The following TAFA4 variants were observed in gnomAD, a reference collection of about 807,000 sequenced individuals.
The protein encoded by TAFA4 is TAFA chemokine like family member 4.
Under a neutral mutation model 21.1 loss-of-function variants are expected in TAFA4, and 20 were observed. The ratio of observed to expected loss-of-function variants is 0.95; its 90% CI spans 0.67 to 1.38. The LOEUF is 1.38. TAFA4 is among the 40% of genes most tolerant of loss of function. TAFA4 has a pLI of 0.00. For synonymous variants in TAFA4, 71 were observed against 67.4 expected (o/e 1.05, Z -0.26); for missense variants, 211 against 180.9 (o/e 1.17, Z -0.95).
chr3:68,925,960 A>G (rs534761108), intron 1 of TAFA4, among the ~76,000 whole-genome samples: 84 of 152,348 alleles, frequency 5.5e-4, no homozygotes, highest in Non-Finnish European at 9.0e-4. Flanking sequence ...AGCCGGGCAC[A>G]GTGGCTCATG....
At chr3:68,848,687 T>C (rs1309014979) in intron 3 of TAFA4, among the ~76,000 whole-genome samples, 1 of 152,188 alleles carries the variant, frequency 6.6e-6, no homozygotes, top group Non-Finnish European at 1.5e-5. Context: ...CCAGTACCAG[T>C]GGCTCAGACA....
intron 3 of TAFA4, among the ~76,000 whole-genome samples, chr3:68,853,259 T>A (rs1473760998): frequency 6.6e-6 from 1 of 152,174 alleles, no homozygotes; most frequent in African/African-American, 2.4e-5. Context: ...TCTGCTAGTA[T>A]TCTAAAAATA....
At chr3:68,821,992 C>G (rs188982856) in intron 3 of TAFA4, among the ~76,000 whole-genome samples, 6 of 152,250 alleles carry the variant, frequency 3.9e-5, no homozygotes, top group African/African-American at 1.4e-4. Context: ...ATTAATTTTG[C>G]AATCCTATTG....
chr3:68,763,953 T>TAACA (rs1480574914), intron 3 of TAFA4, among the ~76,000 whole-genome samples: 1 of 151,666 alleles, frequency 6.6e-6, no homozygotes, highest in African/African-American at 2.4e-5. Flanking sequence ...TTTAAATAAA[T>TAACA]AACATATACT....
intron 1 of TAFA4, among the ~76,000 whole-genome samples, chr3:68,901,352 G>A (rs368291936): frequency 7.9e-5 from 12 of 151,778 alleles, no homozygotes; most frequent in African/African-American, 2.7e-4. Context: ...GCTTGGCCTC[G>A]CTGGAGTTCT....
intron 3 of TAFA4, among the ~76,000 whole-genome samples, chr3:68,762,295 C>G (rs573960450): frequency 4.5e-4 from 68 of 151,684 alleles, no homozygotes; most frequent in African/African-American, 1.6e-3. Flanking sequence ...TAGACAATAA[C>G]TATAATGACT....
intron 1 of TAFA4, among the ~76,000 whole-genome samples, chr3:68,887,861 G>C (rs2089688810): frequency 6.6e-6 from 1 of 151,946 alleles, no homozygotes; most frequent in South Asian, 2.1e-4. Context: ...TCATTGTCTT[G>C]AACAGCAAGC....
At chr3:68,800,256 A>C (rs1466462202) in intron 3 of TAFA4, among the ~76,000 whole-genome samples, 1 of 152,166 alleles carries the variant, frequency 6.6e-6, no homozygotes, top group Non-Finnish European at 1.5e-5. Flanking sequence ...GGTGCCAAAA[A>C]TGTTGGGAAC....
chr3:68,830,944 G>A (rs1451074274), intron 3 of TAFA4, among the ~76,000 whole-genome samples: 1 of 152,102 alleles, frequency 6.6e-6, no homozygotes, highest in Non-Finnish European at 1.5e-5. Flanking sequence ...ATCATGTAAT[G>A]GCCTTCTTTG....
rs117427419 is a variant in TAFA4 at position 68,871,971 on chromosome 3, C to A, written c.130+8759G>T. 3.2e-3 allele frequency among the ~76,000 whole-genome samples: 482 copies of A among 152,170 alleles called. 6 individuals are homozygous for A. The highest frequency in any genetic ancestry group is 0.019 in the Admixed American group (291 of 15,262). ...ATTGGGGGAATGTAGATTAGTACAG[C>A]CACTGTGGAAAACAATACAGTGGTC... On this transcript the variant is annotated intron_variant, in intron 3 of 5. Transcript: ENST00000295569.
chr3:68,755,885 AAG>A (rs1200290079), intron 3 of TAFA4, among the ~76,000 whole-genome samples: 6 of 152,220 alleles, frequency 3.9e-5, no homozygotes, highest in Non-Finnish European at 5.9e-5. Flanking sequence ...ATTAGGTGAT[AAG>A]ACAATGGCAC....
chr3:68,789,106 G>A (rs1703316604), intron 3 of TAFA4, among the ~76,000 whole-genome samples: 1 of 152,018 alleles, frequency 6.6e-6, no homozygotes, highest in Non-Finnish European at 1.5e-5. Context: ...GGTGGCAGGT[G>A]CCTAGTCCCA....
At chr3:68,774,488 A>C (rs945204289) in intron 3 of TAFA4, among the ~76,000 whole-genome samples, 5 of 152,194 alleles carry the variant, frequency 3.3e-5, no homozygotes, top group Non-Finnish European at 1.5e-5. Flanking sequence ...GAAAACCAAG[A>C]AATACAATTA....
intron 3 of TAFA4, among the ~76,000 whole-genome samples, chr3:68,773,888 T>C (rs944734042): frequency 2.0e-5 from 3 of 152,126 alleles, no homozygotes; most frequent in Non-Finnish European, 4.4e-5. Context: ...AAAAAACTTA[T>C]AGCAAGCGTG....
At chr3:68,795,941 G>A (rs1387730) in intron 3 of TAFA4, among the ~76,000 whole-genome samples, 42,227 of 152,148 alleles carry the variant, frequency 0.28, 7,245 homozygotes, top group Non-Finnish European at 0.39. Context: ...CAGTAACACC[G>A]TGATTCTTGC....
chr3:68,879,641 T>C (rs779517961), intron 3 of TAFA4, among the ~76,000 whole-genome samples: 1 of 152,212 alleles, frequency 6.6e-6, no homozygotes, highest in Non-Finnish European at 1.5e-5. Context: ...AATCATTATT[T>C]TTCTCATCTT....
intron 1 of TAFA4, among the ~76,000 whole-genome samples, chr3:68,904,133 C>CT (rs1350985154): frequency 6.6e-6 from 1 of 151,904 alleles, no homozygotes; most frequent in East Asian, 1.9e-4. Flanking sequence ...CTTGCAACCA[C>CT]TATCCTATAA....
At chr3:68,915,150 C>G (rs1369665017) in intron 1 of TAFA4, among the ~76,000 whole-genome samples, 1 of 152,142 alleles carries the variant, frequency 6.6e-6, no homozygotes. Flanking sequence ...CTAATTCTTT[C>G]GTACTAAGAG....
rs955872045 is a variant in TAFA4, at chr3:68,922,845, G to A, written c.-123+9395C>T. On this transcript the variant is annotated intron_variant, in intron 1 of 5. Transcript: ENST00000295569. ...TACATGTGTACATCAGGACAAGCTG[G>A]CTCATGACTTTTCCCCTACTACTGA... is the stretch of plus-strand genomic sequence containing the variant. Among the ~76,000 whole-genome samples the A allele has an allele frequency of 5.3e-5, 8 of 152,220 alleles. No individual in the cohort carries two copies. In the East Asian group the frequency reaches 9.7e-4, roughly 18 times the overall value.
Sources: allele counts gnomAD v4.1 joint callset (sites outside exome capture counted in the v4.1 genomes callset), GRCh38; gene constraint gnomAD v4.1.1; transcripts MANE v1.5; gene names NCBI Gene and HGNC (gene_info 2026-07-23, HGNC 2026-07-21).